GATAD2B: variants seen among roughly 807,000 people sequenced by gnomAD.
The protein encoded by GATAD2B is GATA zinc finger domain containing 2B, also known as transcriptional repressor p66-beta.
GATAD2B carries 8 observed loss-of-function variants against 64.3 expected under a neutral mutation model. That is an observed-to-expected ratio of 0.12 (90% confidence interval 0.07 to 0.22). GATAD2B has a LOEUF of 0.22. Among genes scored for constraint, GATAD2B ranks in the 10% least tolerant of loss-of-function variants. The pLI, the probability that GATAD2B is intolerant of heterozygous loss-of-function variation, is 1.00. For missense variants in GATAD2B, 453 were observed against 752.0 expected, an observed-to-expected ratio of 0.60 and a Z score of 4.65; for synonymous variants, 281 against 271.3, an observed-to-expected ratio of 1.04 and a Z score of -0.35.
At chr1:153,815,293 C>CAAAAAAAAAAAAAAAAAAAAAAAAAA (rs71093285) in intron 7 of GATAD2B, among the ~76,000 whole-genome samples, 2 of 111,834 alleles carry the variant, frequency 1.8e-5, no homozygotes, top group Non-Finnish European at 3.6e-5. Flanking sequence ...AAAAAAAAAA[C>CAAAAAAAAAAAAAAAAAAAAAAAAAA]AAAAAAAAAA....
In GATAD2B at chr1:153,810,037, T is replaced by G. The variant is rs1419568165; in HGVS notation, c.*140A>C. On this transcript the variant is annotated 3_prime_UTR_variant, in exon 11 of 11. Transcript: ENST00000368655. The stretch of plus-strand genomic sequence containing the variant: ...GCGTGTGTTTTCTTGCTGATCTCTA[T>G]TTTTTGTCTTCTGTTTTTCTGTTTT... The G allele has an allele frequency of 1.3e-6, 1 of 782,032 alleles. No individual in the cohort carries two copies. Among genetic ancestry groups the G allele is most frequent in the African/African-American group, 1.8e-5 (1 of 55,360 alleles). 48.4% of individuals were successfully genotyped at this position (782,032 alleles called of 1,614,324 possible). A position where few individuals can be genotyped will look rare whatever the true frequency, so the allele number is the denominator to read the frequency against.
intron 1 of GATAD2B, among the ~76,000 whole-genome samples, chr1:153,919,893 C>A (rs1225930740): frequency 6.6e-6 from 1 of 152,208 alleles, no homozygotes; most frequent in South Asian, 2.1e-4. Flanking sequence ...CTGCAAAGGT[C>A]TGGAAAAGAA....
intron 1 of GATAD2B, among the ~76,000 whole-genome samples, chr1:153,838,464 T>C (rs969405043): frequency 2.0e-5 from 3 of 152,130 alleles, no homozygotes; most frequent in Non-Finnish European, 2.9e-5. Flanking sequence ...TGGAGTGCAA[T>C]GGCACAATCT....
intron 1 of GATAD2B, among the ~76,000 whole-genome samples, chr1:153,912,029 A>C (rs1004700497): frequency 1.3e-5 from 2 of 152,234 alleles, no homozygotes; most frequent in African/African-American, 4.8e-5. Context: ...GCCAGAATAG[A>C]AAGTTTAATT....
intron 1 of GATAD2B, among the ~76,000 whole-genome samples, chr1:153,845,953 C>CT (rs1675672428): frequency 7.0e-6 from 1 of 141,850 alleles, no homozygotes; most frequent in African/African-American, 2.7e-5. Context: ...CGCCCCCCCC[C>CT]CGCCCCAAAA....
intron 1 of GATAD2B, among the ~76,000 whole-genome samples, chr1:153,910,273 T>C (rs1416510966): frequency 1.3e-5 from 2 of 152,188 alleles, no homozygotes; most frequent in African/African-American, 2.4e-5. Context: ...TTGCCAAGCA[T>C]GTACATTCCC....
intron 1 of GATAD2B, among the ~76,000 whole-genome samples, chr1:153,900,646 T>A (rs1004284876): frequency 6.6e-6 from 1 of 152,092 alleles, no homozygotes; most frequent in Non-Finnish European, 1.5e-5. Context: ...CTCTCCCAAG[T>A]AGTTGCAACT....
chr1:153,854,263 C>T lies in GATAD2B; in HGVS notation c.-1-25915G>A, dbSNP rs146145921. Among the ~76,000 whole-genome samples, 1,063 of 152,134 alleles carry T rather than the reference C, an allele frequency of 7.0e-3. 7 individuals carry two copies. The highest frequency in any genetic ancestry group is 0.011 in the Non-Finnish European group (731 of 68,004). ...TAAAAATACAAAAAAATTAGCTGGG[C>T]TTGGTGGTGGGCACCTGTAGTCCCA... On this transcript the variant is annotated intron_variant, in intron 1 of 10. Coordinates refer to ENST00000368655, the MANE Select transcript of GATAD2B (RefSeq NM_020699.4).
chr1:153,858,147 T>C (rs1158594222), intron 1 of GATAD2B, among the ~76,000 whole-genome samples: 1 of 152,188 alleles, frequency 6.6e-6, no homozygotes, highest in African/African-American at 2.4e-5. Flanking sequence ...AAGGTTGTTC[T>C]TTCTTCTGCC....
intron 1 of GATAD2B, among the ~76,000 whole-genome samples, chr1:153,917,180 C>A (rs1678297384): frequency 6.7e-6 from 1 of 149,878 alleles, no homozygotes; most frequent in Non-Finnish European, 1.5e-5. Context: ...CTCACTGCAA[C>A]CTCCACCTCC....
At chr1:153,912,986 A>G (rs947078705) in intron 1 of GATAD2B, among the ~76,000 whole-genome samples, 1 of 152,052 alleles carries the variant, frequency 6.6e-6, no homozygotes, top group Non-Finnish European at 1.5e-5. Flanking sequence ...TATACGGGAG[A>G]CTGAGGCAGG....
At chr1:153,835,529 G>C (rs1407550180) in intron 1 of GATAD2B, among the ~76,000 whole-genome samples, 1 of 151,862 alleles carries the variant, frequency 6.6e-6, no homozygotes, top group Non-Finnish European at 1.5e-5. Flanking sequence ...CACACTAATG[G>C]GTGAGCAGTC....
chr1:153,852,743 G>T, intron 1 of GATAD2B: 1 of 923,210 alleles, frequency 1.1e-6, no homozygotes, highest in South Asian at 1.3e-5. Context: ...GACAGGGAGT[G>T]AAGCTTGGTA....
intron 8 of GATAD2B, 46 bp from the exon 9 acceptor site, chr1:153,812,178 A>C: frequency 1.0e-6 from 1 of 989,088 alleles, no homozygotes; most frequent in Admixed American, 2.3e-5. Flanking sequence ...ACAGCACCCA[A>C]TACCCAATTT....
At chr1:153,898,314 A>AG (rs1340574011) in intron 1 of GATAD2B, among the ~76,000 whole-genome samples, 1 of 150,050 alleles carries the variant, frequency 6.7e-6, no homozygotes, top group Non-Finnish European at 1.5e-5. Context: ...CTCAAAAAAA[A>AG]AAAAAAAAAG....
At chr1:153,852,401 G>C (rs1312447503) in intron 1 of GATAD2B, 1 of 799,408 alleles carries the variant, frequency 1.3e-6, no homozygotes, top group African/African-American at 1.7e-5. Context: ...TGGATGTTCT[G>C]TGGTCATCAT....
At chr1:153,866,119 G>T (rs1423341889) in intron 1 of GATAD2B, among the ~76,000 whole-genome samples, 1 of 149,952 alleles carries the variant, frequency 6.7e-6, no homozygotes, top group Non-Finnish European at 1.5e-5. Flanking sequence ...CAGAACAATC[G>T]CTTGAACTTG....
intron 1 of GATAD2B, among the ~76,000 whole-genome samples, chr1:153,874,251 C>T (rs1186401219): frequency 6.8e-6 from 1 of 147,042 alleles, no homozygotes; most frequent in African/African-American, 2.5e-5. Context: ...GACAGAGCAA[C>T]ACTCCGTCTC....
At chr1:153,837,330 A>AAAC (rs377404957) in intron 1 of GATAD2B, among the ~76,000 whole-genome samples, 31 of 150,894 alleles carry the variant, frequency 2.1e-4, no homozygotes, top group African/African-American at 6.8e-4. Context: ...CTTATCTCAA[A>AAAC]AACAACAACA....
Sources: gnomAD v4.1 joint callset for allele counts (sites outside exome capture counted in the v4.1 genomes callset) on GRCh38, gnomAD v4.1.1 for gene constraint, MANE v1.5 for transcripts, NCBI Gene and HGNC (gene_info 2026-07-23, HGNC 2026-07-21) for gene names.